The following OXR1 variants were observed in gnomAD, a reference collection of about 807,000 sequenced individuals.
OXR1 encodes oxidation resistance 1.
OXR1 carries 41 observed loss-of-function variants against 104.6 expected under a neutral mutation model. The ratio of observed to expected loss-of-function variants is 0.39; its 90% CI spans 0.31 to 0.51. The LOEUF (loss-of-function observed/expected upper bound fraction) is 0.51, where lower values mean the gene tolerates loss of function less well. Among genes scored for constraint, OXR1 ranks in the 20% least tolerant of loss-of-function variants. The pLI is 0.77. For synonymous variants in OXR1, 348 were observed against 348.4 expected, an observed-to-expected ratio of 1.00 and a Z score of 0.01; for missense variants, 955 against 1,031.9, an observed-to-expected ratio of 0.93 and a Z score of 1.02.
intron 2 of OXR1, among the ~76,000 whole-genome samples, chr8:106,368,648 C>T (rs951614958): frequency 4.0e-5 from 6 of 151,876 alleles, no homozygotes; most frequent in East Asian, 3.9e-4. Flanking sequence ...AGAACACACA[C>T]GGTGTTTGGT....
At chr8:106,416,658 T>A (rs1423592710) in intron 2 of OXR1, among the ~76,000 whole-genome samples, 2 of 152,044 alleles carry the variant, frequency 1.3e-5, no homozygotes, top group Admixed American at 6.6e-5. Context: ...GTATTATTGG[T>A]ATGTTTTGTG....
chr8:106,718,468 A>C (rs1052725691), intron 11 of OXR1, among the ~76,000 whole-genome samples: 3 of 152,206 alleles, frequency 2.0e-5, no homozygotes, highest in African/African-American at 7.2e-5. Flanking sequence ...GAGAAATACT[A>C]TTCTTACTGC....
intron 2 of OXR1, among the ~76,000 whole-genome samples, chr8:106,397,067 T>C (rs1268368735): frequency 6.6e-6 from 1 of 152,138 alleles, no homozygotes; most frequent in Admixed American, 6.6e-5. Context: ...TTATTCATAT[T>C]GCATTGAGTA....
intron 15 of OXR1, among the ~76,000 whole-genome samples, chr8:106,743,065 A>G (rs1835056369): frequency 6.6e-6 from 1 of 152,176 alleles, no homozygotes; most frequent in Non-Finnish European, 1.5e-5. Flanking sequence ...TCTAATATCC[A>G]GAATCTACAA....
At chr8:106,548,035 G>A (rs1815509040) in intron 3 of OXR1, among the ~76,000 whole-genome samples, 1 of 151,994 alleles carries the variant, frequency 6.6e-6, no homozygotes, top group Non-Finnish European at 1.5e-5. Context: ...TTAATTTTTT[G>A]AGGAGCCAAC....
chr8:106,465,290 G>T (rs925070441), intron 2 of OXR1, among the ~76,000 whole-genome samples: 1 of 151,876 alleles, frequency 6.6e-6, no homozygotes, highest in Admixed American at 6.6e-5. Context: ...GAAGGACAAT[G>T]TGATTAAAGT....
intron 3 of OXR1, among the ~76,000 whole-genome samples, chr8:106,638,866 C>T (rs2130929374): frequency 6.6e-6 from 1 of 150,706 alleles, no homozygotes; most frequent in South Asian, 2.1e-4. Context: ...TGCACTCCAA[C>T]CTGGGCGCAA....
chr8:106,334,923 G>C (rs549583068), intron 1 of OXR1, among the ~76,000 whole-genome samples: 2 of 152,030 alleles, frequency 1.3e-5, no homozygotes, highest in Non-Finnish European at 2.9e-5. Context: ...TTCAATAACA[G>C]ATGCAAACTC....
intron 11 of OXR1, among the ~76,000 whole-genome samples, chr8:106,731,122 A>G (rs1833851136): frequency 6.6e-6 from 1 of 152,182 alleles, no homozygotes; most frequent in South Asian, 2.1e-4. Context: ...GTGACATATC[A>G]TAGTGAGCAT....
chr8:106,556,992 A>C (rs1816333616), intron 3 of OXR1, among the ~76,000 whole-genome samples: 2 of 152,172 alleles, frequency 1.3e-5, no homozygotes, highest in African/African-American at 4.8e-5. Context: ...ATATTTACGC[A>C]GTTTGAACAA....
At chr8:106,638,234 T>G (rs569280143) in intron 3 of OXR1, among the ~76,000 whole-genome samples, 3 of 152,324 alleles carry the variant, frequency 2.0e-5, no homozygotes, top group African/African-American at 4.8e-5. Flanking sequence ...ATATCCTATT[T>G]TATTCAGTCA....
chr8:106,663,879 A>C (rs1826008878), intron 3 of OXR1, among the ~76,000 whole-genome samples: 1 of 152,166 alleles, frequency 6.6e-6, no homozygotes, highest in African/African-American at 2.4e-5. Context: ...TGGTGCCGTA[A>C]AGGTTGGGGA....
At chr8:106,630,794 T>C (rs530134043) in intron 3 of OXR1, among the ~76,000 whole-genome samples, 2 of 152,330 alleles carry the variant, frequency 1.3e-5, no homozygotes, top group South Asian at 4.1e-4. Context: ...TTTTAATGTA[T>C]AGAGTTATCA....
At chr8:106,579,961 G>T (rs1053723478) in intron 3 of OXR1, among the ~76,000 whole-genome samples, 16 of 152,062 alleles carry the variant, frequency 1.1e-4, no homozygotes, top group Admixed American at 2.0e-4. Context: ...CCCGCCAGCT[G>T]CATAAAATCA....
chr8:106,288,530 A>G (rs866105550), intron 1 of OXR1, among the ~76,000 whole-genome samples: 59 of 131,532 alleles, frequency 4.5e-4, no homozygotes, highest in African/African-American at 1.7e-3. Context: ...ATATATATGT[A>G]TGTGTGTGTG....
intron 2 of OXR1, among the ~76,000 whole-genome samples, chr8:106,387,288 T>C (rs1224736208): frequency 1.3e-5 from 2 of 152,210 alleles, no homozygotes; most frequent in African/African-American, 4.8e-5. Context: ...GACCAGTCAT[T>C]CTTTTTAGTT....
intron 2 of OXR1, among the ~76,000 whole-genome samples, chr8:106,384,587 A>C (rs1445133639): frequency 2.0e-5 from 3 of 152,010 alleles, no homozygotes; most frequent in Non-Finnish European, 4.4e-5. Context: ...TATATTTCGA[A>C]ATCAGGGGAA....
At chr8:106,362,432 T>C (rs1045650638) in intron 2 of OXR1, among the ~76,000 whole-genome samples, 1 of 152,206 alleles carries the variant, frequency 6.6e-6, no homozygotes, top group African/African-American at 2.4e-5. Flanking sequence ...AGCTTTTAAA[T>C]ACCCTGTATA....
intron 9 of OXR1, among the ~76,000 whole-genome samples, chr8:106,710,025 C>T (rs1223641522): frequency 6.6e-6 from 1 of 152,094 alleles, no homozygotes; most frequent in East Asian, 1.9e-4. Flanking sequence ...TTCCTAAATT[C>T]ACCTATATAT....
Sources: gnomAD v4.1 joint callset for allele counts (sites outside exome capture counted in the v4.1 genomes callset) on GRCh38, gnomAD v4.1.1 for gene constraint, MANE v1.5 for transcripts, NCBI Gene and HGNC (gene_info 2026-07-23, HGNC 2026-07-21) for gene names.